The following LRRC37A2 variants were observed in gnomAD, a reference collection of about 807,000 sequenced individuals.
LRRC37A2 encodes leucine-rich repeat-containing protein 37A2.
In LRRC37A2, 9 loss-of-function variants were observed where a neutral mutation model predicts 68.8. That is an observed-to-expected ratio of 0.13 (90% CI 0.08 to 0.23). The LOEUF (loss-of-function observed/expected upper bound fraction) is 0.23. LRRC37A2 is among the 10% of genes least tolerant of loss of function. The probability of loss-of-function intolerance (pLI) is 1.00; values close to 1 mark genes in which losing one functional copy is unlikely to be tolerated. For synonymous variants in LRRC37A2, 63 were observed against 367.6 expected, an observed-to-expected ratio of 0.17 and a Z score of 9.48; for missense variants, 168 against 950.4, an observed-to-expected ratio of 0.18 and a Z score of 10.82.
the LRRC37A2 span, among the ~76,000 whole-genome samples, chr17:46,857,036 G>C: frequency 9.1e-3 from 1,380 of 152,230 alleles, 21 homozygotes; most frequent in African/African-American, 0.031. Flanking sequence ...CTTTTGCTTG[G>C]ATTATTTTGC....
the LRRC37A2 span, among the ~76,000 whole-genome samples, chr17:46,959,493 G>C: frequency 1.3e-5 from 2 of 152,092 alleles, no homozygotes. Flanking sequence ...AGACTTTAGA[G>C]CAAAGGAAAA....
At chr17:46,901,964 T>C in the LRRC37A2 span, among the ~76,000 whole-genome samples, 3 of 152,188 alleles carry the variant, frequency 2.0e-5, no homozygotes, top group South Asian at 6.2e-4. Flanking sequence ...CCCGCCACTG[T>C]GCCCAGCTAA....
the LRRC37A2 span, among the ~76,000 whole-genome samples, chr17:46,755,091 T>C: frequency 2.0e-5 from 3 of 152,274 alleles, no homozygotes; most frequent in Non-Finnish European, 4.4e-5. Flanking sequence ...TTGGGTCTTT[T>C]GGAACCCAGT....
the LRRC37A2 span, chr17:46,940,337 A>G: frequency 2.0e-6 from 3 of 1,464,400 alleles, no homozygotes; most frequent in African/African-American, 1.4e-5. Context: ...TGTGACTCCT[A>G]AAATGGGTTG....
chr17:46,974,518 A>G, the LRRC37A2 span, among the ~76,000 whole-genome samples: 1 of 152,130 alleles, frequency 6.6e-6, no homozygotes, highest in Non-Finnish European at 1.5e-5. Context: ...GTGGATCACA[A>G]GGTCAGGAGA....
the LRRC37A2 span, chr17:46,978,747 C>T: frequency 1.2e-6 from 2 of 1,612,570 alleles, no homozygotes; most frequent in East Asian, 2.2e-5. Flanking sequence ...GGTTGCAGCC[C>T]AGGAAGAAGA....
chr17:46,530,127 A>C (rs1191791609), intron 6 of LRRC37A2, among the ~76,000 whole-genome samples: 4 of 138,204 alleles, frequency 2.9e-5, no homozygotes, highest in Admixed American at 7.7e-5. Context: ...CCTGGGCTCA[A>C]GCTTTCCTTC....
the LRRC37A2 span, among the ~76,000 whole-genome samples, chr17:46,887,141 T>C: frequency 6.6e-6 from 1 of 151,992 alleles, no homozygotes; most frequent in East Asian, 1.9e-4. Flanking sequence ...TAACACAAAG[T>C]TGGAGTCATG....
At chr17:46,950,979 C>G in the LRRC37A2 span, among the ~76,000 whole-genome samples, 1 of 152,206 alleles carries the variant, frequency 6.6e-6, no homozygotes. Flanking sequence ...GACAGTCTCA[C>G]CATGCCACGC....
At chr17:46,491,755 T>A in the LRRC37A2 span, among the ~76,000 whole-genome samples, 1 of 147,138 alleles carries the variant, frequency 6.8e-6, no homozygotes, top group African/African-American at 2.7e-5. Flanking sequence ...TAAGTTTTTT[T>A]TTTTAAAATC....
chr17:46,898,549 A>C, the LRRC37A2 span, among the ~76,000 whole-genome samples: 1 of 152,168 alleles, frequency 6.6e-6, no homozygotes, highest in Non-Finnish European at 1.5e-5. Context: ...TAAGACCTGG[A>C]GAAGGAAACT....
chr17:46,787,672 G>A, the LRRC37A2 span, among the ~76,000 whole-genome samples: 26 of 152,304 alleles, frequency 1.7e-4, no homozygotes, highest in Non-Finnish European at 2.9e-4. Flanking sequence ...ATGTAGCCTC[G>A]GCCGGGCGCG....
At chr17:46,952,833 T>G in the LRRC37A2 span, 1 of 152,114 alleles carries the variant, frequency 6.6e-6, no homozygotes, top group Non-Finnish European at 1.5e-5. Flanking sequence ...CTACTTAAGC[T>G]GGTTTGCACT....
the LRRC37A2 span, among the ~76,000 whole-genome samples, chr17:46,765,529 C>A: frequency 6.6e-6 from 1 of 152,248 alleles, no homozygotes; most frequent in South Asian, 2.1e-4. Context: ...CCGGGGCCTG[C>A]TCTGCGACTC....
the LRRC37A2 span, among the ~76,000 whole-genome samples, chr17:47,041,302 GAAATTTTTCTTGAA>G: frequency 0.032 from 155 of 4,858 alleles, no homozygotes; most frequent in Non-Finnish European, 0.038. Flanking sequence ...TGTTCTTACA[GAAATTTTTCTTGAA>G]TAAATGCTCC....
chr17:46,892,379 T>A, the LRRC37A2 span, among the ~76,000 whole-genome samples: 1 of 152,266 alleles, frequency 6.6e-6, no homozygotes, highest in Middle Eastern at 3.4e-3. Context: ...AAATCACCTG[T>A]CTCTGAATGC....
the LRRC37A2 span, among the ~76,000 whole-genome samples, chr17:46,816,718 T>C: frequency 2.2e-3 from 328 of 152,304 alleles, no homozygotes; most frequent in African/African-American, 7.5e-3. Flanking sequence ...GAGTGCCCTC[T>C]TCTAGTTCAT....
intron 8 of LRRC37A2, among the ~76,000 whole-genome samples, chr17:46,541,352 A>G (rs2055280855): frequency 6.7e-6 from 1 of 149,156 alleles, no homozygotes; most frequent in South Asian, 2.1e-4. Context: ...CCCAGGTTCA[A>G]GTGGTTCTCC....
At chr17:46,866,320 C>T in the LRRC37A2 span, among the ~76,000 whole-genome samples, 8 of 152,086 alleles carry the variant, frequency 5.3e-5, no homozygotes, top group East Asian at 1.9e-4. Context: ...AGGTTGGGAG[C>T]GGAGAGCACA....
Sources: allele counts gnomAD v4.1 joint callset (sites outside exome capture counted in the v4.1 genomes callset), GRCh38; gene constraint gnomAD v4.1.1; transcripts MANE v1.5; gene names NCBI Gene and HGNC (gene_info 2026-07-23, HGNC 2026-07-21).